The following PRELID2 variants were observed in gnomAD, a reference collection of about 807,000 sequenced individuals.
PRELID2 encodes the protein PRELI domain containing 2, also known as PRELI domain-containing protein 2.
In PRELID2, 25 loss-of-function variants were observed where a neutral mutation model predicts 28.4. That is an observed-to-expected ratio of 0.88 (90% CI 0.64 to 1.23). The LOEUF (loss-of-function observed/expected upper bound fraction) is 1.23. Ranked by LOEUF, PRELID2 falls within the 50% of genes most tolerant of loss-of-function variation. The probability of loss-of-function intolerance (pLI) is 0.00; values close to 1 mark genes in which losing one functional copy is unlikely to be tolerated. For synonymous variants in PRELID2, 76 were observed against 71.6 expected (o/e 1.06, Z -0.31); for missense variants, 201 against 214.4 (o/e 0.94, Z 0.39).
chr5:145,493,573 CA>C (rs1752286190), intron 1 of PRELID2, among the ~76,000 whole-genome samples: 3 of 152,150 alleles, frequency 2.0e-5, no homozygotes, highest in Admixed American at 2.0e-4. Flanking sequence ...ATTCATCTGT[CA>C]GCTCTCACCT....
At position 145,600,451 on chromosome 5, in the gene PRELID2, A is replaced by ATATATATATATATATATATG. The variant is rs1328695707; in HGVS notation, n.71-127137_71-127136insCATATATATATATATATATA. ...AAAAAAAAAATATATATATATATATATATGTATCTCACAGGTGTGATGGGG... is the reference window on the plus strand; with the variant it reads ...AAAAAAAAAATATATATATATATATATATATATATATATATATATGTATGTATCTCACAGGTGTGATGGGG... On this transcript the variant is annotated intron_variant and non_coding_transcript_variant, in intron 1 of 2. Transcript: ENST00000510259. Among the ~76,000 whole-genome samples the ATATATATATATATATATATG allele has an allele frequency of 9.4e-5, 13 of 138,338 alleles. 1 individual carries two copies. The highest frequency in any genetic ancestry group is 3.7e-4 in the African/African-American group (12 of 32,434). The allele number at this position is 138,338 out of a possible 152,430, so 90.8% of individuals were successfully genotyped here. A position where few individuals can be genotyped will look rare whatever the true frequency, so the allele number is the denominator to read the frequency against.
intron 1 of PRELID2, among the ~76,000 whole-genome samples, chr5:145,748,590 C>T (rs532743759): frequency 1.1e-4 from 16 of 152,284 alleles, no homozygotes; most frequent in Non-Finnish European, 1.8e-4. Flanking sequence ...CATCAAACTA[C>T]CATTGACATT....
the PRELID2 span, among the ~76,000 whole-genome samples, chr5:145,363,950 T>G: frequency 1.3e-5 from 2 of 150,084 alleles, no homozygotes; most frequent in African/African-American, 2.5e-5. Context: ...GAAAAAAATC[T>G]TCTTTGGCTG....
intron 1 of PRELID2, among the ~76,000 whole-genome samples, chr5:145,697,286 A>G (rs1581068909): frequency 2.0e-5 from 3 of 151,898 alleles, no homozygotes; most frequent in African/African-American, 7.3e-5. Flanking sequence ...AGTGCTATTC[A>G]TGCTTCTCCT....
At chr5:145,797,192 G>A (rs893520730) in intron 4 of PRELID2, among the ~76,000 whole-genome samples, 1 of 152,110 alleles carries the variant, frequency 6.6e-6, no homozygotes, top group African/African-American at 2.4e-5. Flanking sequence ...AAGTAAGATG[G>A]CTGAATAGGA....
At chr5:145,298,460 A>G in the PRELID2 span, among the ~76,000 whole-genome samples, 1 of 152,220 alleles carries the variant, frequency 6.6e-6, no homozygotes, top group African/African-American at 2.4e-5. Context: ...ACCTTATACA[A>G]AAATTAATTC....
the PRELID2 span, among the ~76,000 whole-genome samples, chr5:145,353,573 T>TAA: frequency 6.6e-6 from 1 of 152,172 alleles, no homozygotes; most frequent in African/African-American, 2.4e-5. Flanking sequence ...TCAGGGAACT[T>TAA]ACAATCATGG....
At chr5:145,351,546 C>T in the PRELID2 span, among the ~76,000 whole-genome samples, 1 of 152,096 alleles carries the variant, frequency 6.6e-6, no homozygotes, top group Non-Finnish European at 1.5e-5. Context: ...ACTATAATTC[C>T]AGATGAGATT....
At chr5:145,522,993 A>G (rs1195268710) in intron 1 of PRELID2, among the ~76,000 whole-genome samples, 2 of 152,210 alleles carry the variant, frequency 1.3e-5, no homozygotes, top group Admixed American at 1.3e-4. Flanking sequence ...CCTTAAAACA[A>G]TACAGTAATT....
chr5:145,649,660 A>G (rs1350483244), intron 1 of PRELID2, among the ~76,000 whole-genome samples: 1 of 152,154 alleles, frequency 6.6e-6, no homozygotes, highest in Non-Finnish European at 1.5e-5. Flanking sequence ...TAATTCACTT[A>G]TCAGTTGCAT....
At chr5:145,480,874 T>C (rs1752152602) in intron 1 of PRELID2, among the ~76,000 whole-genome samples, 1 of 152,202 alleles carries the variant, frequency 6.6e-6, no homozygotes, top group South Asian at 2.1e-4. Flanking sequence ...AAATGTCAAC[T>C]ATATTATTTT....
At chr5:145,603,472 G>A (rs918193339) in intron 1 of PRELID2, among the ~76,000 whole-genome samples, 2 of 152,116 alleles carry the variant, frequency 1.3e-5, no homozygotes, top group Non-Finnish European at 1.5e-5. Context: ...GTGAATGTAT[G>A]CTTTAAACAT....
chr5:145,784,813 A>T (rs1751885754), intron 5 of PRELID2, among the ~76,000 whole-genome samples: 1 of 151,430 alleles, frequency 6.6e-6, no homozygotes, highest in Non-Finnish European at 1.5e-5. Context: ...AAAAACATAC[A>T]TATACATACA....
chr5:145,494,752 T>G (rs1752296324), intron 1 of PRELID2, among the ~76,000 whole-genome samples: 2 of 152,184 alleles, frequency 1.3e-5, no homozygotes, highest in Admixed American at 1.3e-4. Context: ...TTGAGACAAT[T>G]CAAATTAATT....
At chr5:145,259,122 G>T in the PRELID2 span, among the ~76,000 whole-genome samples, 1 of 152,176 alleles carries the variant, frequency 6.6e-6, no homozygotes, top group Non-Finnish European at 1.5e-5. Flanking sequence ...TGAGGTTTGG[G>T]AGCCTTCACC....
At chr5:145,371,892 A>T in the PRELID2 span, among the ~76,000 whole-genome samples, 2 of 150,410 alleles carry the variant, frequency 1.3e-5, no homozygotes, top group Non-Finnish European at 3.0e-5. Context: ...AATTTAAAAA[A>T]AAAAAAAACA....
At chr5:145,705,802 A>T (rs111976442) in intron 1 of PRELID2, among the ~76,000 whole-genome samples, 5,034 of 152,222 alleles carry the variant, frequency 0.033, 272 homozygotes, top group African/African-American at 0.11. Flanking sequence ...GAACATTGAA[A>T]TGTGAATTTC....
chr5:145,682,394 C>T (rs1232598731), intron 1 of PRELID2, among the ~76,000 whole-genome samples: 1 of 152,118 alleles, frequency 6.6e-6, no homozygotes, highest in Non-Finnish European at 1.5e-5. Context: ...CACAGTGTGA[C>T]GTCTACAATA....
chr5:145,402,645 T>C, the PRELID2 span, among the ~76,000 whole-genome samples: 90 of 152,292 alleles, frequency 5.9e-4, no homozygotes, highest in Middle Eastern at 3.4e-3. Flanking sequence ...AGTTTTCTTA[T>C]CTTCACAATA....
Sources: allele counts gnomAD v4.1 joint callset (sites outside exome capture counted in the v4.1 genomes callset), GRCh38; gene constraint gnomAD v4.1.1; transcripts MANE v1.5; gene names NCBI Gene and HGNC (gene_info 2026-07-23, HGNC 2026-07-21).